The following ME2 variants were observed in gnomAD, a reference collection of about 807,000 sequenced individuals.
ME2 encodes NAD-dependent malic enzyme, mitochondrial.
ME2 carries 60 observed loss-of-function variants against 73.7 expected under a neutral mutation model. The ratio of observed to expected loss-of-function variants is 0.81; its 90% CI spans 0.66 to 1.01. The LOEUF (loss-of-function observed/expected upper bound fraction) is 1.01. Ranked by LOEUF, ME2 falls within the 50% of genes least tolerant of loss-of-function variation. ME2 has a pLI of 0.00. For synonymous variants in ME2, 199 were observed against 236.9 expected (o/e 0.84, Z 1.47); for missense variants, 594 against 705.5 (o/e 0.84, Z 1.79).
At position 50,917,343 on chromosome 18, in the gene ME2, T is replaced by G; in HGVS notation, c.469-4T>G. On this transcript the variant is annotated splice_region_variant and splice_polypyrimidine_tract_variant and intron_variant, in intron 5 of 15. Coordinates refer to ENST00000321341, the MANE Select transcript of ME2 (RefSeq NM_002396.5). ...CTTTTAATTTGCATTTTTTTGTGAT[T>G]AAGGCTGTTGTAGTGACTGATGGAG... The G allele has an allele frequency of 6.2e-7, 1 of 1,606,498 alleles. No homozygotes were observed. The highest frequency in any genetic ancestry group is 2.2e-5 in the East Asian group (1 of 44,820).
In ME2 at chr18:50,952,366, C is replaced by T. The variant is rs921012563; in HGVS notation, c.*5182C>T. On this transcript the variant is annotated 3_prime_UTR_variant, in exon 16 of 16. Transcript: ENST00000321341. ...CAAATCCTATTCTTGCCAGAAGTTACTTAGATAGATTAGTGATTAGATTTT... is the reference window on the plus strand; with the variant it reads ...CAAATCCTATTCTTGCCAGAAGTTATTTAGATAGATTAGTGATTAGATTTT... The T allele has an allele frequency of 6.6e-6, 1 of 152,068 alleles. No homozygotes were observed. The highest frequency in any genetic ancestry group is 6.5e-5 in the Admixed American group (1 of 15,272). The allele number at this position is 152,068 out of a possible 1,614,324, so 9.4% of individuals were successfully genotyped here.
intron 5 of ME2, 51 bp from the exon 6 acceptor site, chr18:50,917,296 T>G: frequency 6.8e-7 from 1 of 1,478,878 alleles, no homozygotes; most frequent in Non-Finnish European, 9.3e-7. Flanking sequence ...AATGCTTTTC[T>G]TTAGTGCCCC....
At chr18:50,923,081 A>G (rs1392341234) in intron 10 of ME2, among the ~76,000 whole-genome samples, 1 of 152,130 alleles carries the variant, frequency 6.6e-6, no homozygotes, top group African/African-American at 2.4e-5. Flanking sequence ...GCATTACTAC[A>G]AATTTAACTT....
At chr18:50,939,482 A>G (rs1599125812) in intron 13 of ME2, 88 bp from the exon 14 acceptor site, 1 of 852,354 alleles carries the variant, frequency 1.2e-6, no homozygotes, top group South Asian at 1.5e-5. Context: ...ATGTGGATGG[A>G]TTACCATTTA....
intron 1 of ME2, among the ~76,000 whole-genome samples, chr18:50,882,191 G>A (rs1431495504): frequency 6.6e-6 from 1 of 152,086 alleles, no homozygotes; most frequent in East Asian, 1.9e-4. Context: ...TAGAGATGGG[G>A]TTTTGTCATG....
chr18:50,923,568 G>A (rs1917476434), intron 10 of ME2, among the ~76,000 whole-genome samples: 1 of 152,104 alleles, frequency 6.6e-6, no homozygotes, highest in East Asian at 1.9e-4. Flanking sequence ...AGACCAGCCT[G>A]GGCAAGATGG....
intron 1 of ME2, among the ~76,000 whole-genome samples, chr18:50,888,535 A>G (rs369002345): frequency 3.3e-5 from 5 of 152,092 alleles, no homozygotes; most frequent in Admixed American, 6.5e-5. Context: ...GCTGAGTGAT[A>G]TTGGACATGT....
chr18:50,927,135 T>TGG lies in ME2; in HGVS notation c.1314+1239_1314+1240dup, dbSNP rs1284837722. Reference sequence around the variant, plus strand: ...ATCTGCCTATAAATCACTTGACATTTGGGTTTTTTTCCTACCATTCTGTAA... The same window carrying TGG: ...ATCTGCCTATAAATCACTTGACATTTGGGGGTTTTTTTCCTACCATTCTGTAA... On this transcript the variant is annotated intron_variant, in intron 12 of 15. Coordinates refer to ENST00000321341, the MANE Select transcript of ME2 (RefSeq NM_002396.5). 8.5e-5 allele frequency among the ~76,000 whole-genome samples: 13 copies of TGG among 152,336 alleles called. No homozygotes were observed. In the South Asian group the frequency reaches 2.7e-3, roughly 32 times the overall value.
intron 1 of ME2, among the ~76,000 whole-genome samples, chr18:50,887,741 G>C (rs1391931743): frequency 1.3e-5 from 2 of 152,132 alleles, no homozygotes; most frequent in Non-Finnish European, 2.9e-5. Flanking sequence ...CTGCCTCCAA[G>C]GGTTGGTTTC....
intron 7 of ME2, 31 bp from the exon 8 acceptor site, chr18:50,920,425 A>G: frequency 2.8e-6 from 4 of 1,415,414 alleles, no homozygotes; most frequent in Non-Finnish European, 3.9e-6. Flanking sequence ...GTTATTTTCA[A>G]CACAACTATT....
At chr18:50,884,957 C>A (rs866948464) in intron 1 of ME2, among the ~76,000 whole-genome samples, 2 of 152,162 alleles carry the variant, frequency 1.3e-5, no homozygotes, top group Middle Eastern at 3.4e-3. Flanking sequence ...CGGGTTCAAG[C>A]AATTCTCCCA....
chr18:50,893,124 C>CAAAAAAAAAAAAAAAAAAAAAAAAA (rs56104427), intron 1 of ME2, among the ~76,000 whole-genome samples: 3 of 78,092 alleles, frequency 3.8e-5, no homozygotes, highest in African/African-American at 1.2e-4. Flanking sequence ...GACTCTATCT[C>CAAAAAAAAAAAAAAAAAAAAAAAAA]AAAAAAAAAA....
At chr18:50,932,974 C>T (rs1011880860) in intron 13 of ME2, 2 of 152,058 alleles carry the variant, frequency 1.3e-5, no homozygotes, top group Admixed American at 6.6e-5. Flanking sequence ...TAAGATACAC[C>T]CAGTATACTG....
At chr18:50,922,600 C>T (rs997641096) in intron 10 of ME2, among the ~76,000 whole-genome samples, 2 of 152,214 alleles carry the variant, frequency 1.3e-5, no homozygotes, top group Non-Finnish European at 2.9e-5. Flanking sequence ...GATTCTTTAG[C>T]ATATTGGTAG....
At chr18:50,924,992 C>T (rs1203030040) in intron 11 of ME2, among the ~76,000 whole-genome samples, 1 of 151,812 alleles carries the variant, frequency 6.6e-6, no homozygotes, top group Non-Finnish European at 1.5e-5. Context: ...CCCCCATTTT[C>T]CCCACTCCCC....
At chr18:50,914,857 T>C (rs1238623499) in intron 4 of ME2, among the ~76,000 whole-genome samples, 1 of 152,210 alleles carries the variant, frequency 6.6e-6, no homozygotes. Flanking sequence ...TTTTCCTCCT[T>C]CTCTCCCTTC....
chr18:50,910,862 CAGAG>C (rs1213331656), intron 3 of ME2, among the ~76,000 whole-genome samples: 1 of 152,022 alleles, frequency 6.6e-6, no homozygotes, highest in Non-Finnish European at 1.5e-5. Context: ...TCCTGGGATT[CAGAG>C]CAGGAAATAA....
intron 14 of ME2, 71 bp downstream of exon 14, chr18:50,939,711 G>A: frequency 9.5e-7 from 1 of 1,055,580 alleles, no homozygotes; most frequent in Non-Finnish European, 1.4e-6. Context: ...AAAATTAAAG[G>A]CAGAGAGAGA....
In ME2 at chr18:50,949,014, A is replaced by T. The variant is rs1396320347; in HGVS notation, c.*1830A>T. On this transcript the variant is annotated 3_prime_UTR_variant, in exon 16 of 16. Transcript: ENST00000321341. ...GCCACCACACCCAGCTAATTTTTGTATTTTTAGTAGAGATGGGGTTTCACC... is the reference window on the plus strand; with the variant it reads ...GCCACCACACCCAGCTAATTTTTGTTTTTTTAGTAGAGATGGGGTTTCACC... 6.6e-6 allele frequency: 1 copy of T among 150,822 alleles called. No individual in the cohort carries two copies. Among genetic ancestry groups the T allele is most frequent in the Non-Finnish European group, 1.5e-5 (1 of 67,874 alleles). 9.3% of individuals were successfully genotyped at this position (150,822 alleles called of 1,614,324 possible). A position where few individuals can be genotyped will look rare whatever the true frequency, so the allele number is the denominator to read the frequency against.
Sources: allele counts gnomAD v4.1 joint callset (sites outside exome capture counted in the v4.1 genomes callset), GRCh38; gene constraint gnomAD v4.1.1; transcripts MANE v1.5; gene names NCBI Gene and HGNC (gene_info 2026-07-23, HGNC 2026-07-21).